The following AMPH variants were observed in gnomAD, a reference collection of about 807,000 sequenced individuals.
AMPH encodes the protein amphiphysin (Stiff-Mann syndrome with breast cancer 128kD autoantigen).
AMPH carries 49 observed loss-of-function variants against 99.1 expected under a neutral mutation model. The ratio of observed to expected loss-of-function variants is 0.49; its 90% CI spans 0.39 to 0.63. The LOEUF (loss-of-function observed/expected upper bound fraction) is 0.63. AMPH is among the 20% of genes least tolerant of loss of function. AMPH has a pLI of 0.00. For synonymous variants in AMPH, 314 were observed against 317.3 expected (o/e 0.99, Z 0.11); for missense variants, 759 against 863.4 (o/e 0.88, Z 1.52).
intron 20 of AMPH, among the ~76,000 whole-genome samples, chr7:38,387,932 AAT>A (rs1784390180): frequency 6.6e-6 from 1 of 152,092 alleles, no homozygotes; most frequent in Non-Finnish European, 1.5e-5. Context: ...AATTATAAAC[AAT>A]AGAGACCAGA....
chr7:38,447,774 AC>A (rs1232407608), intron 11 of AMPH, among the ~76,000 whole-genome samples: 5 of 149,550 alleles, frequency 3.3e-5, no homozygotes, highest in Non-Finnish European at 7.4e-5. Context: ...ACACACACAC[AC>A]ACACCCATAC....
chr7:38,512,717 T>C (rs1789585162), intron 2 of AMPH, among the ~76,000 whole-genome samples: 1 of 152,214 alleles, frequency 6.6e-6, no homozygotes, highest in Non-Finnish European at 1.5e-5. Context: ...GTCTGTGACA[T>C]CTGCAATTTG....
chr7:38,474,434 A>G (rs560903601), intron 7 of AMPH, among the ~76,000 whole-genome samples: 4 of 152,168 alleles, frequency 2.6e-5, no homozygotes, highest in Middle Eastern at 3.2e-3. Context: ...AGAAACACAG[A>G]GTGCCTTTTA....
chr7:38,601,135 G>T (rs538229447), intron 1 of AMPH, among the ~76,000 whole-genome samples: 3 of 152,136 alleles, frequency 2.0e-5, no homozygotes, highest in Admixed American at 2.0e-4. Flanking sequence ...TACCAGCTGT[G>T]CCCAGCCATA....
intron 1 of AMPH, among the ~76,000 whole-genome samples, chr7:38,610,548 A>G (rs1268806915): frequency 6.6e-6 from 1 of 151,796 alleles, no homozygotes; most frequent in African/African-American, 2.4e-5. Context: ...AGAACCTACC[A>G]TGTTTTGAGA....
intron 2 of AMPH, among the ~76,000 whole-genome samples, chr7:38,512,532 C>A (rs897361298): frequency 5.3e-5 from 8 of 152,184 alleles, no homozygotes; most frequent in African/African-American, 1.9e-4. Context: ...AGGAATGGGA[C>A]TCTAAACCCT....
At chr7:38,472,737 C>T (rs1787931269) in intron 7 of AMPH, among the ~76,000 whole-genome samples, 1 of 152,170 alleles carries the variant, frequency 6.6e-6, no homozygotes, top group South Asian at 2.1e-4. Context: ...CTAGTTTTGA[C>T]TGATGTTATT....
chr7:38,594,291 T>C (rs954003074), intron 1 of AMPH, among the ~76,000 whole-genome samples: 6 of 152,184 alleles, frequency 3.9e-5, no homozygotes, highest in African/African-American at 1.4e-4. Flanking sequence ...ACAAGATACA[T>C]GAATGATCCC....
intron 17 of AMPH, among the ~76,000 whole-genome samples, chr7:38,411,395 T>TG (rs1365728777): frequency 2.6e-5 from 4 of 152,308 alleles, no homozygotes; most frequent in African/African-American, 9.6e-5. Flanking sequence ...GGCAACTTGC[T>TG]GGGGAAAAGG....
chr7:38,407,410 G>A (rs1301919199), intron 17 of AMPH, among the ~76,000 whole-genome samples: 1 of 150,932 alleles, frequency 6.6e-6, no homozygotes, highest in Non-Finnish European at 1.5e-5. Context: ...AAACTAACCA[G>A]TGGATACACA....
chr7:38,452,993 C>G (rs551356254), intron 11 of AMPH, among the ~76,000 whole-genome samples: 1 of 152,218 alleles, frequency 6.6e-6, no homozygotes, highest in South Asian at 2.1e-4. Flanking sequence ...AGAAAGCAGA[C>G]AGAAATATAA....
chr7:38,486,504 C>T (rs1788499281), intron 5 of AMPH, among the ~76,000 whole-genome samples: 1 of 151,956 alleles, frequency 6.6e-6, no homozygotes, highest in Admixed American at 6.6e-5. Context: ...TTCTACCAAA[C>T]ATTTAAAAAA....
intron 1 of AMPH, among the ~76,000 whole-genome samples, chr7:38,595,771 T>C (rs745342755): frequency 1.3e-5 from 2 of 152,212 alleles, no homozygotes; most frequent in Admixed American, 6.5e-5. Context: ...TTCATGCCAA[T>C]GTGTGCTCAG....
chr7:38,471,333 T>G (rs1787877592), intron 7 of AMPH, among the ~76,000 whole-genome samples: 1 of 152,198 alleles, frequency 6.6e-6, no homozygotes, highest in Non-Finnish European at 1.5e-5. Context: ...AGAATTCTCT[T>G]TAGAGTCCTT....
At chr7:38,568,067 G>C (rs1562832302) in intron 1 of AMPH, among the ~76,000 whole-genome samples, 1 of 152,052 alleles carries the variant, frequency 6.6e-6, no homozygotes, top group Non-Finnish European at 1.5e-5. Flanking sequence ...ACTTTTCCAA[G>C]TGTCTTCACG....
chr7:38,429,796 A>G (rs1350996566), intron 14 of AMPH, 46 bp downstream of exon 14: 2 of 1,570,676 alleles, frequency 1.3e-6, no homozygotes, highest in South Asian at 2.3e-5. Context: ...TATGTAATGC[A>G]TATCAAATAC....
rs1172323607 is a variant in AMPH, at chr7:38,389,842, C to A, written c.1942G>T (p.Val648Leu). 2 of 1,613,942 alleles carry A rather than the reference C, an allele frequency of 1.2e-6. No homozygotes were observed. Among genetic ancestry groups the A allele is most frequent in the East Asian group, 2.2e-5 (1 of 44,884 alleles). The change falls in exon 20 of 21, where the codon GTG (valine) becomes TTG (leucine). Residue 648 changes from valine to leucine, a missense_variant. Physicochemically the swap from Val to Leu is conservative, Grantham distance 32. This residue lies in a region of AMPH where 554 missense variants were observed against 575.6 expected (regional missense o/e 0.96). Coordinates refer to ENST00000356264, the MANE Select transcript of AMPH (RefSeq NM_001635.4). ...SDELTLQRGD[V>L]VLVVPSDSEA... The stretch of plus-strand genomic sequence containing the variant: ...GAATCTGAGGGGACCACCAGCACCA[C>A]ATCACCCCTTTGTAAGGTAAGTTCA...
chr7:38,394,497 G>T (rs1333781442), intron 17 of AMPH, among the ~76,000 whole-genome samples: 1 of 152,156 alleles, frequency 6.6e-6, no homozygotes, highest in African/African-American at 2.4e-5. Context: ...CCAAAGACAT[G>T]GCTTTTAAGG....
intron 1 of AMPH, among the ~76,000 whole-genome samples, chr7:38,554,531 T>C (rs1024407715): frequency 6.6e-6 from 1 of 152,346 alleles, no homozygotes; most frequent in African/African-American, 2.4e-5. Flanking sequence ...ACTACAAGAA[T>C]GTTCATTATA....
Sources: gnomAD v4.1 joint callset for allele counts (sites outside exome capture counted in the v4.1 genomes callset) on GRCh38, gnomAD v4.1.1 for gene constraint, gnomAD v4.1.1 regional missense constraint, MANE v1.5 for transcripts, NCBI Gene and HGNC (gene_info 2026-07-23, HGNC 2026-07-21) for gene names.